The following ATP10A variants were observed in gnomAD, a reference collection of about 807,000 sequenced individuals.
ATP10A encodes the protein ATPase phospholipid transporting 10A (putative), also known as phospholipid-transporting ATPase VA.
A neutral mutation model predicts 147.8 loss-of-function variants in ATP10A; 111 were observed. The ratio of observed to expected loss-of-function variants is 0.75; its 90% CI spans 0.64 to 0.88. The LOEUF (loss-of-function observed/expected upper bound fraction) is 0.88. Ranked by LOEUF, ATP10A falls within the 40% of genes least tolerant of loss-of-function variation. The pLI, the probability that ATP10A is intolerant of heterozygous loss-of-function variation, is 0.00. For missense variants in ATP10A, 1,927 were observed against 1,959.0 expected (o/e 0.98, Z 0.31); for synonymous variants, 875 against 841.6 (o/e 1.04, Z -0.69).
chr15:25,753,964 A>G (rs1383746049), intron 2 of ATP10A, among the ~76,000 whole-genome samples: 1 of 152,056 alleles, frequency 6.6e-6, no homozygotes, highest in African/African-American at 2.4e-5. Context: ...TTGTAGAGAC[A>G]AGATAAAAAA....
chr15:25,845,151 C>T (rs1053847995), intron 1 of ATP10A, among the ~76,000 whole-genome samples: 1 of 152,180 alleles, frequency 6.6e-6, no homozygotes, highest in Admixed American at 6.5e-5. Context: ...TTGGGAACTG[C>T]GGGGAGCGCT....
At chr15:25,691,685 G>A in intron 15 of ATP10A, 30 bp downstream of exon 15, 1 of 1,612,564 alleles carries the variant, frequency 6.2e-7, no homozygotes, top group Non-Finnish European at 8.5e-7. Context: ...GGGCCAATTG[G>A]TCACACAGAA....
At chr15:25,795,402 G>A (rs1477759603) in intron 1 of ATP10A, among the ~76,000 whole-genome samples, 1 of 151,876 alleles carries the variant, frequency 6.6e-6, no homozygotes, top group Non-Finnish European at 1.5e-5. Flanking sequence ...CTGCTGAGAA[G>A]AGAGAGTGAC....
intron 3 of ATP10A, among the ~76,000 whole-genome samples, chr15:25,734,966 A>T (rs1438804478): frequency 1.4e-5 from 2 of 142,794 alleles, no homozygotes; most frequent in Non-Finnish European, 3.0e-5. Context: ...CCAGAAGCAG[A>T]TCGCTCCCAC....
At chr15:25,680,728 C>A in intron 19 of ATP10A, 82 bp downstream of exon 19, 1 of 1,353,908 alleles carries the variant, frequency 7.4e-7, no homozygotes, top group Non-Finnish European at 1.1e-6. Flanking sequence ...AACGACCTCC[C>A]AGACCTCATG....
chr15:25,784,382 C>T (rs368335566), intron 1 of ATP10A, among the ~76,000 whole-genome samples: 3 of 152,196 alleles, frequency 2.0e-5, no homozygotes, highest in East Asian at 3.9e-4. Flanking sequence ...ATGTATAACT[C>T]TCATCCAAAA....
chr15:25,797,189 G>A (rs1158783561), intron 1 of ATP10A, among the ~76,000 whole-genome samples: 1 of 152,012 alleles, frequency 6.6e-6, no homozygotes, highest in Admixed American at 6.6e-5. Flanking sequence ...ACATTTTTAG[G>A]TTCCACGCGT....
chr15:25,810,209 T>TC (rs990050004), intron 1 of ATP10A, among the ~76,000 whole-genome samples: 3 of 151,662 alleles, frequency 2.0e-5, no homozygotes, highest in African/African-American at 7.3e-5. Context: ...GCTCCTCATT[T>TC]CCCCCCAGAC....
Position 25,817,813 on chromosome 15 carries a change from C to T in ATP10A, c.450-36590G>A, listed in dbSNP as rs187328724. Among the ~76,000 whole-genome samples, 7 of 152,234 alleles carry T rather than the reference C, an allele frequency of 4.6e-5. No homozygotes were observed. In the East Asian group the frequency reaches 1.2e-3, roughly 25 times the overall value. Reference sequence around the variant, plus strand: ...TCTCTAAAATGGGAACAATACAACACGGGGCTCTTGTGAAGATGAAACGGT... The same window carrying T: ...TCTCTAAAATGGGAACAATACAACATGGGGCTCTTGTGAAGATGAAACGGT... On this transcript the variant is annotated intron_variant, in intron 1 of 20. Transcript: ENST00000555815.
chr15:25,806,446 G>C (rs1891189933), intron 1 of ATP10A, among the ~76,000 whole-genome samples: 1 of 151,872 alleles, frequency 6.6e-6, no homozygotes, highest in Admixed American at 6.6e-5. Flanking sequence ...CCGAATACCT[G>C]GGACTATAGG....
At chr15:25,740,616 G>C (rs982127275) in intron 2 of ATP10A, among the ~76,000 whole-genome samples, 4 of 152,220 alleles carry the variant, frequency 2.6e-5, no homozygotes, top group Non-Finnish European at 4.4e-5. Context: ...GTCACAAGGA[G>C]GGTGAGGTCC....
In ATP10A at chr15:25,683,298, G is replaced by A; in HGVS notation, c.3480C>T (p.Gly1160=). 6.2e-7 allele frequency: 1 copy of A among 1,613,826 alleles called. No individual in the cohort carries two copies. Among genetic ancestry groups the A allele is most frequent in the Non-Finnish European group, 8.5e-7 (1 of 1,179,986 alleles). Residue 1160 remains glycine (G), a synonymous_variant, in exon 17 of 21, where the codon GGC becomes GGT. Coordinates refer to ENST00000555815, the MANE Select transcript of ATP10A (RefSeq NM_024490.4). ...GGGGGAGCTTTACCTCCATGTTCTGGCCACTCTTGTAGAGCTGCGGGTTGG... is the reference window on the plus strand; with the variant it reads ...GGGGGAGCTTTACCTCCATGTTCTGACCACTCTTGTAGAGCTGCGGGTTGG... The part of the protein sequence containing the change: ...LLTNPQLYKS[G]QNMEEYRPRT...
intron 1 of ATP10A, among the ~76,000 whole-genome samples, chr15:25,818,346 A>G (rs1891752450): frequency 6.6e-6 from 1 of 152,180 alleles, no homozygotes; most frequent in South Asian, 2.1e-4. Flanking sequence ...TACGAAAAAT[A>G]TATTATAAGC....
intron 6 of ATP10A, among the ~76,000 whole-genome samples, chr15:25,722,328 A>G (rs1902295499): frequency 6.6e-6 from 1 of 152,154 alleles, no homozygotes; most frequent in African/African-American, 2.4e-5. Flanking sequence ...CTGGGCTCCC[A>G]TTTCCCAGGG....
chr15:25,824,313 A>C (rs77764350), intron 1 of ATP10A, among the ~76,000 whole-genome samples: 6,028 of 151,890 alleles, frequency 0.04, 137 homozygotes, highest in Middle Eastern at 0.048. Context: ...CTCTATTAAA[A>C]AAATACAAAG....
downstream of ATP10A, among the ~76,000 whole-genome samples, chr15:25,676,194 G>A (rs1252436544): frequency 6.6e-6 from 1 of 152,182 alleles, no homozygotes; most frequent in Non-Finnish European, 1.5e-5. Context: ...AGCAGGAGGA[G>A]GGCAAAGCTG....
intron 15 of ATP10A, among the ~76,000 whole-genome samples, chr15:25,689,129 G>C (rs1012162664): frequency 1.3e-5 from 2 of 152,240 alleles, no homozygotes; most frequent in Admixed American, 1.3e-4. Context: ...AAACCCCTCT[G>C]AGGACGCCTG....
At chr15:25,743,175 A>G (rs1887662379) in intron 2 of ATP10A, among the ~76,000 whole-genome samples, 1 of 152,172 alleles carries the variant, frequency 6.6e-6, no homozygotes, top group Admixed American at 6.5e-5. Context: ...AGACCATACT[A>G]CTATTTTAGA....
At chr15:25,680,444 G>C (rs1434260611) in intron 19 of ATP10A, 136 bp from the exon 20 acceptor site, 3 of 961,508 alleles carry the variant, frequency 3.1e-6, no homozygotes, top group Non-Finnish European at 3.1e-6. Flanking sequence ...TCTATGACGC[G>C]GGTAACCGGT....
Sources: gnomAD v4.1 joint callset for allele counts (sites outside exome capture counted in the v4.1 genomes callset) on GRCh38, gnomAD v4.1.1 for gene constraint, MANE v1.5 for transcripts, NCBI Gene and HGNC (gene_info 2026-07-23, HGNC 2026-07-21) for gene names.